Variants in AKR1C8 observed in about 807,000 individuals in gnomAD.
The protein encoded by AKR1C8 is aldo-keto reductase family 1 member C-like protein 1.
chr10:5,125,059 C>T, the AKR1C8 span, among the ~76,000 whole-genome samples: 46 of 149,196 alleles, frequency 3.1e-4, no homozygotes, highest in South Asian at 8.8e-3. Context: ...TTTTTGTTTT[C>T]ACGATACATC....
the AKR1C8 span, chr10:5,123,763 C>A: frequency 3.7e-6 from 6 of 1,613,284 alleles, no homozygotes; most frequent in Middle Eastern, 3.3e-4. Flanking sequence ...AGAACAATGT[C>A]TTTTGACTTG....
chr10:5,161,998 T>G, the AKR1C8 span: 71 of 527,324 alleles, frequency 1.3e-4, 1 homozygote, highest in South Asian at 9.8e-4. Context: ...GAAACAAAAA[T>G]GGATTATAAT....
At chr10:5,158,737 C>T in the AKR1C8 span, 8 of 473,736 alleles carry the variant, frequency 1.7e-5, no homozygotes, top group South Asian at 1.1e-4. Context: ...CAAAAGGTGT[C>T]ACAATATATG....
At chr10:5,149,295 A>G in the AKR1C8 span, among the ~76,000 whole-genome samples, 13,042 of 152,138 alleles carry the variant, frequency 0.086, 674 homozygotes, top group Admixed American at 0.14. Flanking sequence ...GATTTTATCA[A>G]AGACAAATAA....
chr10:5,153,484 C>T, the AKR1C8 span, among the ~76,000 whole-genome samples: 86 of 152,104 alleles, frequency 5.7e-4, no homozygotes, highest in Admixed American at 5.4e-3. Flanking sequence ...TGGGTTAGTC[C>T]GTTGTCACAC....
At chr10:5,142,170 T>C in the AKR1C8 span, among the ~76,000 whole-genome samples, 1 of 152,156 alleles carries the variant, frequency 6.6e-6, no homozygotes, top group Non-Finnish European at 1.5e-5. Context: ...ACTAGATTTC[T>C]AACATCTTCT....
the AKR1C8 span, among the ~76,000 whole-genome samples, chr10:5,120,586 A>G: frequency 1.3e-5 from 2 of 152,084 alleles, no homozygotes; most frequent in African/African-American, 4.8e-5. Context: ...GTGATATTGA[A>G]TAGGGTCACA....
At chr10:5,166,804 C>A in the AKR1C8 span, among the ~76,000 whole-genome samples, 8 of 152,050 alleles carry the variant, frequency 5.3e-5, no homozygotes, top group East Asian at 1.9e-4. Context: ...TAATTAAACT[C>A]AAGAGCTTCT....
the AKR1C8 span, among the ~76,000 whole-genome samples, chr10:5,172,383 T>C: frequency 6.6e-6 from 1 of 152,088 alleles, no homozygotes; most frequent in Non-Finnish European, 1.5e-5. Context: ...TTATCTTTTT[T>C]AAAATATTAA....
At chr10:5,150,040 C>G in the AKR1C8 span, among the ~76,000 whole-genome samples, 1 of 152,158 alleles carries the variant, frequency 6.6e-6, no homozygotes, top group South Asian at 2.1e-4. Flanking sequence ...TTTTAGTCTT[C>G]TATTAGTTTG....
chr10:5,117,048 A>AT, the AKR1C8 span, among the ~76,000 whole-genome samples: 5 of 151,962 alleles, frequency 3.3e-5, no homozygotes, highest in Non-Finnish European at 7.4e-5. Flanking sequence ...CAGTTTTTAC[A>AT]TTTTTACATT....
chr10:5,164,698 T>C, the AKR1C8 span, among the ~76,000 whole-genome samples: 72 of 152,216 alleles, frequency 4.7e-4, no homozygotes, highest in African/African-American at 1.6e-3. Context: ...GTTGGGAATG[T>C]TGATTCTGTT....
chr10:5,132,470 T>C, the AKR1C8 span: 3 of 797,674 alleles, frequency 3.8e-6, no homozygotes, highest in Non-Finnish European at 5.2e-6. Context: ...TTAGTTTTAA[T>C]ACATGAATAT....
chr10:5,121,756 CT>C, the AKR1C8 span, among the ~76,000 whole-genome samples: 3 of 152,018 alleles, frequency 2.0e-5, no homozygotes, highest in African/African-American at 2.4e-5. Flanking sequence ...ATTAATTTTT[CT>C]TTTTTTAGCA....
At chr10:5,176,235 T>A in the AKR1C8 span, among the ~76,000 whole-genome samples, 47,593 of 107,344 alleles carry the variant, frequency 0.44, 12,379 homozygotes, top group Non-Finnish European at 0.51. Context: ...TAAATAGGGA[T>A]TCCTTTCCCC....
the AKR1C8 span, among the ~76,000 whole-genome samples, chr10:5,178,022 C>T: frequency 6.6e-6 from 1 of 152,240 alleles, no homozygotes. Context: ...CTTCTGCTAG[C>T]TTTTGAATGT....
At chr10:5,153,288 T>G in the AKR1C8 span, among the ~76,000 whole-genome samples, 24 of 152,234 alleles carry the variant, frequency 1.6e-4, no homozygotes, top group Admixed American at 1.3e-3. Flanking sequence ...TGCCGAAATG[T>G]GGGTAGATGA....
At chr10:5,176,921 C>T in the AKR1C8 span, among the ~76,000 whole-genome samples, 2 of 152,130 alleles carry the variant, frequency 1.3e-5, no homozygotes, top group East Asian at 1.9e-4. Flanking sequence ...ATGTCGTCTG[C>T]AAACAGGGAT....
chr10:5,138,666 T>G, the AKR1C8 span, among the ~76,000 whole-genome samples: 2 of 152,174 alleles, frequency 1.3e-5, no homozygotes, highest in South Asian at 2.1e-4. Context: ...ATTTGGGAAC[T>G]GATAAATGTC....
Sources: allele counts gnomAD v4.1 joint callset (sites outside exome capture counted in the v4.1 genomes callset), GRCh38; gene constraint gnomAD v4.1.1; transcripts MANE v1.5; gene names NCBI Gene and HGNC (gene_info 2026-07-23, HGNC 2026-07-21).